Variants in NTRK1 observed in about 807,000 individuals in gnomAD.
The protein encoded by NTRK1 is high affinity nerve growth factor receptor.
A neutral mutation model predicts 86.8 loss-of-function variants in NTRK1; 62 were observed. That is an observed-to-expected ratio of 0.71 (90% CI 0.58 to 0.88). The LOEUF (loss-of-function observed/expected upper bound fraction) is 0.88, where lower values mean the gene tolerates loss of function less well. NTRK1 is among the 40% of genes least tolerant of loss of function. NTRK1 has a pLI of 0.00. For missense variants in NTRK1, 967 were observed against 1,078.4 expected (o/e 0.90, Z 1.45); for synonymous variants, 469 against 456.6 (o/e 1.03, Z -0.35).
intron 2 of NTRK1, chr1:156,843,234 C>G (rs1330276853): frequency 1.2e-6 from 2 of 1,613,844 alleles, no homozygotes; most frequent in Non-Finnish European, 1.7e-6. Flanking sequence ...GGGACATACA[C>G]TGCAAGGAGG....
At chr1:156,869,018 CCCTTCCTT>C (rs773795513) in intron 6 of NTRK1, among the ~76,000 whole-genome samples, 730 of 43,466 alleles carry the variant, frequency 0.017, 10 homozygotes, top group African/African-American at 0.054. Flanking sequence ...TTTTCTCTCT[CCCTTCCTT>C]CCTTCCTTCC....
At position 156,875,881 on chromosome 1, in the gene NTRK1, A is replaced by C. The variant is rs61259122; in HGVS notation, c.1502-199A>C. On this transcript the variant is annotated intron_variant, in intron 12 of 16. Transcript: ENST00000524377. The stretch of plus-strand genomic sequence containing the variant: ...CCTGCCCAGAGTCACAGCTAGCCCA[A>C]ACCATGTCCTCTCGGGGCAGGTGCA... 18,471 of 1,085,670 alleles carry C rather than the reference A, an allele frequency of 0.017. 1,423 individuals are homozygous for C. In the African/African-American group the frequency reaches 0.21, roughly 12 times the overall value. 67.3% of individuals were successfully genotyped at this position (1,085,670 alleles called of 1,614,324 possible).
intron 1 of NTRK1, among the ~76,000 whole-genome samples, chr1:156,822,417 C>T (rs1196980988): frequency 6.6e-6 from 1 of 151,870 alleles, no homozygotes; most frequent in Admixed American, 6.6e-5. Flanking sequence ...AAAAAAGAGC[C>T]AGATATGGTG....
chr1:156,849,839 ACT>A (rs1477673868), intron 2 of NTRK1, among the ~76,000 whole-genome samples: 1 of 144,608 alleles, frequency 6.9e-6, no homozygotes, highest in Non-Finnish European at 1.5e-5. Context: ...AGGTGTGGAC[ACT>A]CTCGGTGTAC....
intron 1 of NTRK1, chr1:156,841,623 G>A (rs928421594): frequency 8.7e-6 from 14 of 1,609,496 alleles, no homozygotes; most frequent in East Asian, 2.2e-5. Context: ...CCCAGATCCC[G>A]CCTCCACATC....
chr1:156,865,047 G>A, intron 3 of NTRK1: 1 of 569,652 alleles, frequency 1.8e-6, no homozygotes, highest in East Asian at 3.0e-5. Flanking sequence ...CTTCTCATAG[G>A]TGCCTGCCCT....
rs752316792 is a variant in NTRK1, at chr1:156,880,157, G to T, written c.2205G>T (p.Glu735Asp). ...CCTGGTACCAGCTCTCCAACACGGA[G>T]GTCAGCCCCGGCCCATGGTCACCCC... The part of the protein sequence containing the change: ...KQPWYQLSNT[E>D]AIDCITQGRE... Residue 735 changes from glutamate to aspartate, a missense_variant and splice_region_variant, in exon 16 of 17, where the codon GAG (glutamate) becomes GAT (aspartate). Physicochemically the swap from Glu to Asp is conservative, Grantham distance 45. This residue lies in a region of NTRK1 where 637 missense variants were observed against 776.5 expected (regional missense o/e 0.82). Coordinates refer to ENST00000524377, the MANE Select transcript of NTRK1 (RefSeq NM_002529.4). 6.2e-7 allele frequency: 1 copy of T among 1,612,958 alleles called. No homozygotes were observed. The highest frequency in any genetic ancestry group is 8.5e-7 in the Non-Finnish European group (1 of 1,179,984).
upstream of NTRK1, among the ~76,000 whole-genome samples, chr1:156,860,337 C>T (rs1268756656): frequency 1.3e-5 from 2 of 152,376 alleles, no homozygotes; most frequent in East Asian, 3.9e-4. Flanking sequence ...GACCCCTTCC[C>T]TTTCTCTGCC....
intron 1 of NTRK1, among the ~76,000 whole-genome samples, chr1:156,839,304 C>T (rs901253649): frequency 2.0e-5 from 3 of 152,264 alleles, no homozygotes; most frequent in South Asian, 2.1e-4. Flanking sequence ...TCTCGCCAGA[C>T]CCAGAGTGTG....
chr1:156,844,499 A>C lies in NTRK1; in HGVS notation c.50+2306A>C, dbSNP rs762614947. ...TGTAGAAGGCAACACTGTCTGTCCAAGAGCCATTGCCAGCCAGTGAGGTTG... is the reference window on the plus strand; with the variant it reads ...TGTAGAAGGCAACACTGTCTGTCCACGAGCCATTGCCAGCCAGTGAGGTTG... On this transcript the variant is annotated intron_variant, in intron 2 of 16. Coordinates refer to the NTRK1 transcript ENST00000392302. 2 of 1,614,168 alleles carry C rather than the reference A, an allele frequency of 1.2e-6. No individual in the cohort carries two copies. Among genetic ancestry groups the C allele is most frequent in the Admixed American group, 1.7e-5 (1 of 60,028 alleles).
At chr1:156,869,599 T>C (rs780850602) in intron 6 of NTRK1, among the ~76,000 whole-genome samples, 1 of 152,224 alleles carries the variant, frequency 6.6e-6, no homozygotes, top group Non-Finnish European at 1.5e-5. Context: ...AAAAATCCCT[T>C]AATCTGCCTG....
intron 2 of NTRK1, chr1:156,848,773 C>T (rs1223809745): frequency 3.3e-6 from 3 of 901,898 alleles, no homozygotes; most frequent in South Asian, 1.7e-5. Flanking sequence ...AGAGCCAGAC[C>T]TGGGCCCTAC....
chr1:156,871,332 A>T (rs1330962198), intron 6 of NTRK1, among the ~76,000 whole-genome samples: 1 of 152,154 alleles, frequency 6.6e-6, no homozygotes, highest in Non-Finnish European at 1.5e-5. Flanking sequence ...AGGTGAGAGG[A>T]TTGCTTGAGG....
intron 2 of NTRK1, chr1:156,853,814 G>T (rs1404202742): frequency 1.2e-6 from 2 of 1,613,252 alleles, no homozygotes; most frequent in Non-Finnish European, 1.7e-6. Context: ...GGTGGTCTTG[G>T]CACAGGGCTC....
intron 4 of NTRK1, 51 bp downstream of exon 4, chr1:156,867,029 T>C (rs41483153): frequency 6.3e-7 from 1 of 1,580,928 alleles, no homozygotes; most frequent in Non-Finnish European, 8.7e-7. Context: ...TGTGTGCCTG[T>C]GTGCACTTGG....
At chr1:156,843,542 A>G in intron 2 of NTRK1, 1 of 1,476,110 alleles carries the variant, frequency 6.8e-7, no homozygotes, top group Non-Finnish European at 9.5e-7. Context: ...GCAACATCAG[A>G]AGAAGGAAGA....
At chr1:156,868,678 A>T in intron 6 of NTRK1, 31 bp downstream of exon 6, 1 of 1,548,948 alleles carries the variant, frequency 6.5e-7, no homozygotes, top group Non-Finnish European at 8.7e-7. Context: ...AGCCCCCAAG[A>T]GGTCCAGGCA....
chr1:156,871,867 T>C lies in NTRK1; in HGVS notation c.850+112T>C, dbSNP rs1400629608. On this transcript the variant is annotated intron_variant, in intron 7 of 16. Transcript: ENST00000524377. ...AGGGTGGGATGTGTGTCTCCACAGC[T>C]GCTCCCTCCCAGCTGTTTCCAGATT... 5 of 1,426,452 alleles carry C rather than the reference T, an allele frequency of 3.5e-6. No individual in the cohort carries two copies. In the East Asian group the frequency reaches 9.2e-5, roughly 26 times the overall value. 88.4% of individuals were successfully genotyped at this position (1,426,452 alleles called of 1,614,324 possible). A position where few individuals can be genotyped will look rare whatever the true frequency, so the allele number is the denominator to read the frequency against.
At chr1:156,826,293 CTTTTTT>C (rs386368405) in intron 1 of NTRK1, among the ~76,000 whole-genome samples, 13,300 of 88,346 alleles carry the variant, frequency 0.15, 897 homozygotes, top group African/African-American at 0.29. Flanking sequence ...GACTTGAGCT[CTTTTTT>C]TTTTTTTTTT....
Sources: gnomAD v4.1 joint callset for allele counts (sites outside exome capture counted in the v4.1 genomes callset) on GRCh38, gnomAD v4.1.1 for gene constraint, gnomAD v4.1.1 regional missense constraint, MANE v1.5 for transcripts, NCBI Gene and HGNC (gene_info 2026-07-23, HGNC 2026-07-21) for gene names.